Variants in FBN2 observed in about 807,000 individuals in gnomAD.
FBN2 encodes the protein fibrillin 2, also known as fibrillin-2.
A neutral mutation model predicts 355.6 loss-of-function variants in FBN2; 105 were observed. The ratio of observed to expected loss-of-function variants is 0.30; its 90% CI spans 0.25 to 0.35. The LOEUF (loss-of-function observed/expected upper bound fraction) is 0.35, where lower values mean the gene tolerates loss of function less well. Ranked by LOEUF, FBN2 falls within the 10% of genes least tolerant of loss-of-function variation. The pLI is 1.00. For missense variants in FBN2, 3,280 were observed against 3,758.7 expected (o/e 0.87, Z 3.33); for synonymous variants, 1,350 against 1,301.2 (o/e 1.04, Z -0.81).
chr5:128,530,785 T>A, intron 2 of FBN2, 92 bp from the exon 3 acceptor site: 1 of 829,336 alleles, frequency 1.2e-6, no homozygotes, highest in Non-Finnish European at 2.0e-6. Flanking sequence ...ATAAAAAGCC[T>A]GAAAAACTAA....
intron 25 of FBN2, among the ~76,000 whole-genome samples, chr5:128,343,779 AT>A (rs1751092656): frequency 1.3e-5 from 2 of 152,246 alleles, no homozygotes; most frequent in South Asian, 4.1e-4. Flanking sequence ...ATTCTTGTGG[AT>A]TTAATGACTG....
At chr5:128,335,334 G>T (rs1237133028) in intron 29 of FBN2, 39 bp from the exon 30 acceptor site, 4 of 1,613,528 alleles carry the variant, frequency 2.5e-6, no homozygotes, top group Non-Finnish European at 3.4e-6. Context: ...AAATAAAAAT[G>T]TCGTTCATCA....
At chr5:128,324,566 G>C (rs1320582544) in intron 34 of FBN2, among the ~76,000 whole-genome samples, 1 of 151,204 alleles carries the variant, frequency 6.6e-6, no homozygotes, top group African/African-American at 2.4e-5. Context: ...TCAGGAACAG[G>C]TTGTTCAGTT....
Position 128,512,126 on chromosome 5 carries a change from A to G in FBN2, c.628+7147T>C, listed in dbSNP as rs376840541. ...GTACCGTTACCAAAAATCCCACAAA[A>G]GGTAAAATAGTGAAACTTACGCTGT... On this transcript the variant is annotated intron_variant, in intron 5 of 64. Transcript: ENST00000262464. Among the ~76,000 whole-genome samples, 4 of 152,166 alleles carry G rather than the reference A, an allele frequency of 2.6e-5. No homozygotes were observed. The South Asian group carries it at 8.3e-4, about 32-fold the overall frequency.
chr5:128,365,025 T>C (rs899484159), intron 17 of FBN2: 1 of 272,636 alleles, frequency 3.7e-6, no homozygotes, highest in Non-Finnish European at 7.0e-6. Flanking sequence ...ATTTATAGGC[T>C]GTTGGCTCCA....
chr5:128,341,077 C>T (rs920554523), intron 25 of FBN2, among the ~76,000 whole-genome samples: 3 of 152,130 alleles, frequency 2.0e-5, no homozygotes, highest in African/African-American at 7.2e-5. Context: ...TTACTAAAAG[C>T]CCCCAGCATG....
intron 34 of FBN2, chr5:128,328,112 A>G (rs1241556553): frequency 1.2e-5 from 2 of 167,476 alleles, no homozygotes; most frequent in Non-Finnish European, 2.6e-5. Flanking sequence ...AATTTAATAG[A>G]AAATCCAAAT....
chr5:128,466,621 A>G (rs564965302), intron 5 of FBN2, among the ~76,000 whole-genome samples: 2 of 152,344 alleles, frequency 1.3e-5, no homozygotes, highest in South Asian at 4.1e-4. Flanking sequence ...AGCAAAGAAC[A>G]GTTTAGAAGT....
intron 7 of FBN2, among the ~76,000 whole-genome samples, chr5:128,441,446 A>T (rs1349532946): frequency 6.6e-6 from 1 of 152,162 alleles, no homozygotes; most frequent in Non-Finnish European, 1.5e-5. Flanking sequence ...TCTGTTTCTC[A>T]TCCATATAAT....
In FBN2 at chr5:128,258,169, G is replaced by A. The variant is rs1440433850; in HGVS notation, c.*1286C>T. On this transcript the variant is annotated 3_prime_UTR_variant, in exon 65 of 65. Transcript: ENST00000262464. The stretch of plus-strand genomic sequence containing the variant: ...GTGCTTTGGCCATTTCACATATGAG[G>A]TTTGGTCACTGGTCCAGGAAACAGG... 1 of 152,574 alleles carries A rather than the reference G, an allele frequency of 6.6e-6. No individual in the cohort carries two copies. Among genetic ancestry groups the A allele is most frequent in the Non-Finnish European group, 1.5e-5 (1 of 68,046 alleles). 9.5% of individuals were successfully genotyped at this position (152,574 alleles called of 1,614,324 possible).
intron 5 of FBN2, among the ~76,000 whole-genome samples, chr5:128,474,820 T>G (rs932204795): frequency 6.6e-6 from 1 of 152,220 alleles, no homozygotes; most frequent in Non-Finnish European, 1.5e-5. Context: ...TCTAAGCAAC[T>G]GTGCTGAGAT....
intron 62 of FBN2, among the ~76,000 whole-genome samples, chr5:128,270,960 T>A (rs1765253703): frequency 6.6e-6 from 1 of 152,218 alleles, no homozygotes; most frequent in African/African-American, 2.4e-5. Flanking sequence ...TAACTTTTGA[T>A]CACTTATTGG....
intron 52 of FBN2, 106 bp from the exon 53 acceptor site, chr5:128,288,663 G>T: frequency 7.7e-7 from 1 of 1,299,540 alleles, no homozygotes; most frequent in Middle Eastern, 1.8e-4. Context: ...ATCTGAGAAG[G>T]GCACATGTAA....
intron 20 of FBN2, among the ~76,000 whole-genome samples, chr5:128,353,478 G>A (rs1352508742): frequency 1.3e-5 from 2 of 152,200 alleles, no homozygotes; most frequent in Non-Finnish European, 2.9e-5. Context: ...AAGCATTTGT[G>A]TCAGGTCTCA....
At chr5:128,338,512 A>G (rs28114) in intron 26 of FBN2, among the ~76,000 whole-genome samples, 60,389 of 152,068 alleles carry the variant, frequency 0.4, 12,631 homozygotes, top group Non-Finnish European at 0.47. Flanking sequence ...GTCTTATATC[A>G]TACTGAAAAT....
At chr5:128,380,444 G>C (rs1261990947) in intron 11 of FBN2, among the ~76,000 whole-genome samples, 1 of 152,022 alleles carries the variant, frequency 6.6e-6, no homozygotes, top group East Asian at 1.9e-4. Flanking sequence ...TTTCAGGAAA[G>C]CCACTTCTGC....
intron 52 of FBN2, 106 bp downstream of exon 52, chr5:128,289,021 T>C: frequency 8.4e-7 from 1 of 1,191,474 alleles, no homozygotes; most frequent in Non-Finnish European, 1.2e-6. Context: ...CTATTTATCC[T>C]GGATTTGTAA....
chr5:128,501,091 G>A (rs1457000328), intron 5 of FBN2, among the ~76,000 whole-genome samples: 1 of 152,140 alleles, frequency 6.6e-6, no homozygotes, highest in Non-Finnish European at 1.5e-5. Flanking sequence ...GGAATGATGA[G>A]ACAAATACAG....
chr5:128,328,633 G>C, intron 34 of FBN2, 63 bp downstream of exon 34: 4 of 1,581,152 alleles, frequency 2.5e-6, no homozygotes, highest in Non-Finnish European at 3.5e-6. Context: ...TCCAGCCCTT[G>C]TTGTGGTTTC....
Sources: allele counts gnomAD v4.1 joint callset (sites outside exome capture counted in the v4.1 genomes callset), GRCh38; gene constraint gnomAD v4.1.1; transcripts MANE v1.5; gene names NCBI Gene and HGNC (gene_info 2026-07-23, HGNC 2026-07-21).